The following LRRC4C variants were observed in gnomAD, a reference collection of about 807,000 sequenced individuals.
The protein encoded by LRRC4C is leucine rich repeat containing 4C, also known as leucine-rich repeat-containing protein 4C.
A neutral mutation model predicts 33.6 loss-of-function variants in LRRC4C; 5 were observed. The ratio of observed to expected loss-of-function variants is 0.15; its 90% CI spans 0.08 to 0.31. The LOEUF (loss-of-function observed/expected upper bound fraction) is 0.31, where lower values mean the gene tolerates loss of function less well. Among genes scored for constraint, LRRC4C ranks in the 10% least tolerant of loss-of-function variants. The pLI is 1.00. For synonymous variants in LRRC4C, 329 were observed against 302.0 expected, an observed-to-expected ratio of 1.09 and a Z score of -0.93; for missense variants, 560 against 796.7, an observed-to-expected ratio of 0.70 and a Z score of 3.58.
chr11:40,906,723 T>A lies in LRRC4C; in HGVS notation c.-407+26912A>T, dbSNP rs868015045. ...CTCTCTCTCTCTGTGTGTGTGTGTG[T>A]ATGTGTGTGTATTTACAATAAATTC... is the stretch of plus-strand genomic sequence containing the variant. On this transcript the variant is annotated intron_variant, in intron 2 of 6. Transcript: ENST00000528697. Among the ~76,000 whole-genome samples the A allele has an allele frequency of 2.0e-4, 31 of 152,244 alleles. No homozygotes were observed. The Middle Eastern group carries it at 0.01, about 50-fold the overall frequency.
intron 2 of LRRC4C, among the ~76,000 whole-genome samples, chr11:40,657,023 T>C (rs1943156414): frequency 6.6e-6 from 1 of 152,242 alleles, no homozygotes; most frequent in East Asian, 1.9e-4. Context: ...CAGGCTCTAT[T>C]TGGCTACCTC....
At chr11:41,340,835 T>C (rs1400452066) in intron 1 of LRRC4C, among the ~76,000 whole-genome samples, 2 of 152,232 alleles carry the variant, frequency 1.3e-5, no homozygotes, top group Non-Finnish European at 2.9e-5. Flanking sequence ...CTAGCCAATA[T>C]TATTAGATAG....
chr11:40,712,831 A>G (rs1946532428), intron 2 of LRRC4C, among the ~76,000 whole-genome samples: 2 of 152,008 alleles, frequency 1.3e-5, no homozygotes, highest in African/African-American at 2.4e-5. Flanking sequence ...TCCCAAAGTC[A>G]TATTTATTTC....
At chr11:40,236,357 T>C (rs1865556509) in intron 5 of LRRC4C, among the ~76,000 whole-genome samples, 1 of 152,214 alleles carries the variant, frequency 6.6e-6, no homozygotes, top group South Asian at 2.1e-4. Flanking sequence ...TCTGTAATTA[T>C]TATTTTCCTC....
At chr11:41,211,077 A>G (rs745773469) in intron 1 of LRRC4C, among the ~76,000 whole-genome samples, 2 of 152,180 alleles carry the variant, frequency 1.3e-5, no homozygotes, top group African/African-American at 4.8e-5. Context: ...TGTGCGGCCT[A>G]GTTCCTAACA....
chr11:40,403,356 T>C (rs1949835069), intron 3 of LRRC4C, among the ~76,000 whole-genome samples: 1 of 152,166 alleles, frequency 6.6e-6, no homozygotes, highest in South Asian at 2.1e-4. Context: ...ATTTACTAAA[T>C]AGTCCACAAA....
At chr11:40,825,929 A>G (rs1223556967) in intron 2 of LRRC4C, among the ~76,000 whole-genome samples, 5 of 83,682 alleles carry the variant, frequency 6.0e-5, no homozygotes, top group Non-Finnish European at 1.2e-4. Flanking sequence ...TATGCTTCAC[A>G]TATTGTATTC....
At chr11:40,870,898 T>C (rs1022268944) in intron 2 of LRRC4C, among the ~76,000 whole-genome samples, 4 of 152,192 alleles carry the variant, frequency 2.6e-5, no homozygotes, top group African/African-American at 9.6e-5. Flanking sequence ...ATTTCTCTTC[T>C]TTCAAAAGCA....
chr11:40,987,641 A>C (rs1592267741), intron 1 of LRRC4C, among the ~76,000 whole-genome samples: 1 of 69,344 alleles, frequency 1.4e-5, no homozygotes, highest in South Asian at 5.8e-4. Flanking sequence ...ATATATATAT[A>C]TATATATATA....
intron 5 of LRRC4C, among the ~76,000 whole-genome samples, chr11:40,230,999 G>T (rs1339811756): frequency 6.6e-6 from 1 of 152,124 alleles, no homozygotes; most frequent in Non-Finnish European, 1.5e-5. Flanking sequence ...TGTAAGATTT[G>T]CAAGGGCTGG....
At chr11:40,519,713 G>A (rs1224803193) in intron 3 of LRRC4C, among the ~76,000 whole-genome samples, 5 of 152,266 alleles carry the variant, frequency 3.3e-5, no homozygotes, top group South Asian at 2.1e-4. Flanking sequence ...CATTCTAGGG[G>A]CCATTAAGAA....
At chr11:41,027,105 A>C (rs1448479552) in intron 1 of LRRC4C, among the ~76,000 whole-genome samples, 3 of 151,682 alleles carry the variant, frequency 2.0e-5, no homozygotes, top group Non-Finnish European at 4.4e-5. Context: ...CAAGTGCCTA[A>C]TTCGACATAA....
At chr11:40,443,277 A>T (rs1325272975) in intron 3 of LRRC4C, among the ~76,000 whole-genome samples, 1 of 152,212 alleles carries the variant, frequency 6.6e-6, no homozygotes, top group Non-Finnish European at 1.5e-5. Context: ...AACTGTGATG[A>T]CAAACAAGAT....
chr11:41,093,873 C>T (rs1338627961), intron 1 of LRRC4C, among the ~76,000 whole-genome samples: 2 of 134,418 alleles, frequency 1.5e-5, no homozygotes, highest in Non-Finnish European at 3.0e-5. Context: ...GGGCGGATCA[C>T]AAGGTCAGGA....
chr11:41,169,830 G>T (rs145541117), intron 1 of LRRC4C, among the ~76,000 whole-genome samples: 2,800 of 152,224 alleles, frequency 0.018, 47 homozygotes, highest in Non-Finnish European at 0.029. Flanking sequence ...CAATGGTATT[G>T]TAAGTTTAAC....
At chr11:41,204,202 C>A (rs1307748600) in intron 1 of LRRC4C, among the ~76,000 whole-genome samples, 1 of 152,166 alleles carries the variant, frequency 6.6e-6, no homozygotes, top group Non-Finnish European at 1.5e-5. Flanking sequence ...ATGATGTATA[C>A]TGCAAGGAAT....
intron 5 of LRRC4C, among the ~76,000 whole-genome samples, chr11:40,168,009 A>G (rs1193811916): frequency 6.6e-6 from 1 of 152,158 alleles, no homozygotes; most frequent in Non-Finnish European, 1.5e-5. Context: ...GCGCCACTGC[A>G]CTCCAGCCTG....
At chr11:41,438,724 C>A (rs1447390358) in intron 1 of LRRC4C, among the ~76,000 whole-genome samples, 1 of 152,124 alleles carries the variant, frequency 6.6e-6, no homozygotes, top group Non-Finnish European at 1.5e-5. Context: ...TTATCACCAA[C>A]CTTTAATAAT....
At chr11:40,685,580 T>C (rs1591462190) in intron 2 of LRRC4C, among the ~76,000 whole-genome samples, 1 of 152,014 alleles carries the variant, frequency 6.6e-6, no homozygotes, top group East Asian at 1.9e-4. Context: ...TAATTTGAAA[T>C]GTATCACTAC....
Sources: allele counts gnomAD v4.1 joint callset (sites outside exome capture counted in the v4.1 genomes callset), GRCh38; gene constraint gnomAD v4.1.1; transcripts MANE v1.5; gene names NCBI Gene and HGNC (gene_info 2026-07-23, HGNC 2026-07-21).